Variants in FBLN5 observed in about 807,000 individuals in gnomAD.
FBLN5 encodes the protein fibulin 5.
FBLN5 carries 24 observed loss-of-function variants against 61.6 expected under a neutral mutation model. That is an observed-to-expected ratio of 0.39 (90% CI 0.28 to 0.55). FBLN5 has a LOEUF of 0.55. Ranked by LOEUF, FBLN5 falls within the 20% of genes least tolerant of loss-of-function variation. The probability of loss-of-function intolerance (pLI) is 0.65; values close to 1 mark genes in which losing one functional copy is unlikely to be tolerated. For missense variants in FBLN5, 470 were observed against 594.1 expected (o/e 0.79, Z 2.17); for synonymous variants, 213 against 219.8 (o/e 0.97, Z 0.27).
intron 4 of FBLN5, among the ~76,000 whole-genome samples, chr14:91,904,557 A>G (rs1277903775): frequency 6.6e-6 from 1 of 152,238 alleles, no homozygotes; most frequent in Non-Finnish European, 1.5e-5. Flanking sequence ...GCTATAGACT[A>G]TGTGGCTTAA....
Position 91,877,554 on chromosome 14 carries a change from C to T in FBLN5, c.1118G>A (p.Arg373His), listed in dbSNP as rs759062115. The change falls in exon 10 of 11, where the codon CGC (arginine) becomes CAC (histidine). Residue 373 changes from arginine to histidine, a missense_variant. Physicochemically the swap from Arg to His is conservative, Grantham distance 29 (BLOSUM62 0). Coordinates refer to ENST00000342058, the MANE Select transcript of FBLN5 (RefSeq NM_006329.4). Reference sequence around the variant, plus strand: ...GAAAATGTAATAGGCCCCAGGGTAGCGGGTCGTGGCTTGCATTTGGAAGAT... The same window carrying T: ...GAAAATGTAATAGGCCCCAGGGTAGTGGGTCGTGGCTTGCATTTGGAAGAT... The part of the protein sequence containing the change: ...ADIFQMQATT[R>H]YPGAYYIFQI... 3.7e-6 allele frequency: 6 copies of T among 1,614,134 alleles called. No homozygotes were observed. Among genetic ancestry groups the T allele is most frequent in the South Asian group, 3.3e-5 (3 of 91,090 alleles).
chr14:91,881,425 T>G lies in FBLN5; in HGVS notation c.863-7A>C. 6.2e-7 allele frequency: 1 copy of G among 1,614,102 alleles called. No individual in the cohort carries two copies. Among genetic ancestry groups the G allele is most frequent in the South Asian group, 1.1e-5 (1 of 91,090 alleles). On this transcript the variant is annotated splice_region_variant and splice_polypyrimidine_tract_variant and intron_variant, in intron 8 of 10. Transcript: ENST00000342058. Reference sequence around the variant, plus strand: ...TGCTCACATTCGTTGATGTCTGAAATGCAGGGGAGACAAGAAGCGGAGGCA... The same window carrying G: ...TGCTCACATTCGTTGATGTCTGAAAGGCAGGGGAGACAAGAAGCGGAGGCA...
chr14:91,931,606 T>C (rs2140039461), intron 4 of FBLN5, among the ~76,000 whole-genome samples: 1 of 152,350 alleles, frequency 6.6e-6, no homozygotes, highest in South Asian at 2.1e-4. Context: ...CCGGAATTTC[T>C]GCAGTCCCCG....
At chr14:91,887,845 T>A (rs1482677535) in intron 6 of FBLN5, among the ~76,000 whole-genome samples, 1 of 152,118 alleles carries the variant, frequency 6.6e-6, no homozygotes, top group Admixed American at 6.5e-5. Context: ...AGAGGTTAAG[T>A]AGGTTAAGGA....
chr14:91,870,468 G>T, intron 10 of FBLN5, 83 bp from the exon 11 acceptor site: 1 of 1,419,088 alleles, frequency 7.0e-7, no homozygotes, highest in African/African-American at 1.4e-5. Context: ...CCTTGCCTCC[G>T]TCAGTCAAAC....
chr14:91,937,292 G>A, intron 3 of FBLN5, 91 bp from the exon 4 acceptor site: 1 of 1,549,732 alleles, frequency 6.5e-7, no homozygotes, highest in Non-Finnish European at 8.8e-7. Context: ...CAGGCGTGGA[G>A]GAAGCACTCC....
In FBLN5 at chr14:91,897,483, T is replaced by C. The variant is rs192567193; in HGVS notation, c.380-2411A>G. On this transcript the variant is annotated intron_variant, in intron 4 of 10. Coordinates refer to ENST00000342058, the MANE Select transcript of FBLN5 (RefSeq NM_006329.4). The stretch of plus-strand genomic sequence containing the variant: ...GTTCTTTTTCCTGCCTTGAGGGGAA[T>C]GAAGGGTGAGGGTGACCAACACAGG... Among the ~76,000 whole-genome samples, 46 of 152,272 alleles carry C rather than the reference T, an allele frequency of 3.0e-4. No individual in the cohort carries two copies. In the East Asian group the frequency reaches 8.7e-3, roughly 29 times the overall value.
intron 4 of FBLN5, among the ~76,000 whole-genome samples, chr14:91,896,419 C>T (rs980503878): frequency 2.7e-5 from 4 of 149,250 alleles, no homozygotes; most frequent in Admixed American, 6.9e-5. Flanking sequence ...AGGGTTTGCT[C>T]ATCTACACCT....
chr14:91,878,149 G>C, intron 9 of FBLN5: 1 of 337,566 alleles, frequency 3.0e-6, no homozygotes, highest in Non-Finnish European at 5.7e-6. Flanking sequence ...AGCCCAGTCT[G>C]CATGGAATGT....
intron 4 of FBLN5, 22 bp downstream of exon 4, chr14:91,936,924 GA>G: frequency 6.2e-7 from 1 of 1,613,978 alleles, no homozygotes; most frequent in Non-Finnish European, 8.5e-7. Flanking sequence ...CAGCGGAGAG[GA>G]ACAAAAGGCC....
intron 5 of FBLN5, among the ~76,000 whole-genome samples, chr14:91,894,230 TTC>T (rs1363533149): frequency 6.7e-6 from 1 of 148,984 alleles, no homozygotes; most frequent in Non-Finnish European, 1.5e-5. Context: ...AAAACCCTGT[TTC>T]TACAAAAAAT....
intron 3 of FBLN5, among the ~76,000 whole-genome samples, chr14:91,938,994 G>T (rs760505430): frequency 1.3e-5 from 2 of 152,072 alleles, no homozygotes; most frequent in Non-Finnish European, 2.9e-5. Flanking sequence ...AAATCAAAAC[G>T]TAAGCCCAGA....
chr14:91,938,570 C>G (rs2056057295), intron 3 of FBLN5: 1 of 152,318 alleles, frequency 6.6e-6, no homozygotes, highest in Admixed American at 6.5e-5. Context: ...CTGTGCCAGC[C>G]AACAATTTCT....
rs560789971 is a variant in FBLN5, at chr14:91,947,139, C to G, written c.17+74G>C. 6.2e-7 allele frequency: 1 copy of G among 1,605,448 alleles called. No homozygotes were observed. Among genetic ancestry groups the G allele is most frequent in the African/African-American group, 1.3e-5 (1 of 74,712 alleles). Reference sequence around the variant, plus strand: ...ACACCGCCTGAATCGCAGCCATAACCATTTTCCACCCATCGGATTTTTAGC... The same window carrying G: ...ACACCGCCTGAATCGCAGCCATAACGATTTTCCACCCATCGGATTTTTAGC... On this transcript the variant is annotated intron_variant, in intron 1 of 10. Transcript: ENST00000342058. This position sits in a 1 kb window ranked among gnomAD's most constrained non-coding sequence, Gnocchi z 4.3.
At chr14:91,881,959 A>G (rs1164187281) in intron 8 of FBLN5, among the ~76,000 whole-genome samples, 1 of 152,106 alleles carries the variant, frequency 6.6e-6, no homozygotes, top group East Asian at 1.9e-4. Context: ...TACAGAAATT[A>G]GCCTGGCATG....
intron 9 of FBLN5, 49 bp downstream of exon 9, chr14:91,881,243 G>C: frequency 1.2e-6 from 2 of 1,611,484 alleles, no homozygotes; most frequent in Non-Finnish European, 1.7e-6. Context: ...AACCTCCTGA[G>C]CCAGGCCCTC....
chr14:91,883,190 GCCAA>G, intron 7 of FBLN5, 114 bp from the exon 8 acceptor site: 1 of 1,207,734 alleles, frequency 8.3e-7, no homozygotes, highest in African/African-American at 1.5e-5. Context: ...TGGCTTTACT[GCCAA>G]GAAGCTGTCA....
intron 5 of FBLN5, among the ~76,000 whole-genome samples, chr14:91,892,421 C>T (rs1379652972): frequency 6.6e-6 from 1 of 152,234 alleles, no homozygotes; most frequent in East Asian, 1.9e-4. Context: ...CTTAGAGCCT[C>T]AGTCCTTGTG....
At chr14:91,928,714 G>A in intron 4 of FBLN5, among the ~76,000 whole-genome samples, 1 of 151,830 alleles carries the variant, frequency 6.6e-6, no homozygotes, top group East Asian at 1.9e-4. Context: ...TGAGGATGCA[G>A]TGAGCAGAGA....
Sources: gnomAD v4.1 joint callset for allele counts (sites outside exome capture counted in the v4.1 genomes callset) on GRCh38, gnomAD v4.1.1 for gene constraint, Gnocchi (gnomAD v3.1) non-coding constraint, MANE v1.5 for transcripts, NCBI Gene and HGNC (gene_info 2026-07-23, HGNC 2026-07-21) for gene names.